Variants in GATB observed in about 807,000 individuals in gnomAD.
The protein encoded by GATB is glutamyl-tRNA(Gln) amidotransferase subunit B, mitochondrial.
GATB carries 39 observed loss-of-function variants against 62.3 expected under a neutral mutation model. The ratio of observed to expected loss-of-function variants is 0.63; its 90% CI spans 0.48 to 0.82. GATB has a LOEUF of 0.82. GATB is among the 40% of genes least tolerant of loss of function. GATB has a pLI of 0.00. For missense variants in GATB, 670 were observed against 684.0 expected (o/e 0.98, Z 0.23); for synonymous variants, 276 against 258.9 (o/e 1.07, Z -0.63).
At chr4:151,678,586 G>A (rs962725805) in intron 11 of GATB, among the ~76,000 whole-genome samples, 2 of 152,100 alleles carry the variant, frequency 1.3e-5, no homozygotes, top group African/African-American at 4.8e-5. Context: ...ACGCGGTGAG[G>A]TCCCTGTAGT....
intron 2 of GATB, among the ~76,000 whole-genome samples, chr4:151,736,277 C>T (rs962831738): frequency 6.6e-6 from 1 of 152,068 alleles, no homozygotes; most frequent in African/African-American, 2.4e-5. Context: ...CAAATAGACA[C>T]CATATACATG....
At chr4:151,712,708 T>C (rs894956131) in intron 5 of GATB, among the ~76,000 whole-genome samples, 4 of 152,200 alleles carry the variant, frequency 2.6e-5, no homozygotes, top group Non-Finnish European at 5.9e-5. Flanking sequence ...TGAGTGGTAA[T>C]TCCATAAAAG....
At chr4:151,725,571 A>G (rs558046890) in intron 2 of GATB, among the ~76,000 whole-genome samples, 36 of 152,268 alleles carry the variant, frequency 2.4e-4, no homozygotes, top group Non-Finnish European at 4.3e-4. Flanking sequence ...CAACTAATTT[A>G]TAAGGAACAT....
rs116634238 is a variant in GATB, at chr4:151,717,074, C to A, written c.442G>T (p.Ala148Ser). The part of the protein sequence containing the change: ...RKHYFYADLP[A>S]GYQITQQRLP... ...CTCTGCTGGGTAATTTGGTAGCCTGCCTGCACACAAACATAGGGTAAACAT... is the reference window on the plus strand; with the variant it reads ...CTCTGCTGGGTAATTTGGTAGCCTGACTGCACACAAACATAGGGTAAACAT... Residue 148 changes from alanine to serine, a missense_variant and splice_region_variant, in exon 4 of 13, where the codon GCA becomes TCA. Coordinates refer to ENST00000263985, the MANE Select transcript of GATB (RefSeq NM_004564.3). 593 of 1,613,938 alleles carry A rather than the reference C, an allele frequency of 3.7e-4. 4 individuals are homozygous for A. The African/African-American group carries it at 7.1e-3, about 19-fold the overall frequency.
intron 9 of GATB, among the ~76,000 whole-genome samples, chr4:151,691,992 A>G (rs745833399): frequency 2.0e-5 from 3 of 152,012 alleles, no homozygotes; most frequent in Non-Finnish European, 2.9e-5. Flanking sequence ...AATATCTGCT[A>G]GACACAGAGC....
chr4:151,681,617 T>G (rs1738139189), intron 10 of GATB, among the ~76,000 whole-genome samples: 1 of 152,168 alleles, frequency 6.6e-6, no homozygotes, highest in African/African-American at 2.4e-5. Context: ...TTCTTGAGCG[T>G]GCAAAAGATA....
chr4:151,727,150 G>C (rs910442150), intron 2 of GATB, among the ~76,000 whole-genome samples: 1 of 152,134 alleles, frequency 6.6e-6, no homozygotes, highest in Non-Finnish European at 1.5e-5. Flanking sequence ...TGAACTCCTG[G>C]GCTCAAGCGG....
rs1737836728 is a variant in GATB at position 151,670,732 on chromosome 4, A to G, written c.*442T>C. On this transcript the variant is annotated 3_prime_UTR_variant, in exon 13 of 13. Coordinates refer to ENST00000263985, the MANE Select transcript of GATB (RefSeq NM_004564.3). Reference sequence around the variant, plus strand: ...TTTAGGTCTGAAAACAATACATCCAAATTACAGTCTCTCTTGACCACTGCT... The same window carrying G: ...TTTAGGTCTGAAAACAATACATCCAGATTACAGTCTCTCTTGACCACTGCT... The G allele has an allele frequency of 6.4e-6, 1 of 155,404 alleles. No homozygotes were observed. Among genetic ancestry groups the G allele is most frequent in the Non-Finnish European group, 1.4e-5 (1 of 70,066 alleles). The allele number at this position is 155,404 out of a possible 1,614,324, so 9.6% of individuals were successfully genotyped here.
At chr4:151,753,756 T>TA (rs1739767221) in intron 2 of GATB, among the ~76,000 whole-genome samples, 2 of 152,226 alleles carry the variant, frequency 1.3e-5, no homozygotes, top group Non-Finnish European at 2.9e-5. Flanking sequence ...ATAGACTACA[T>TA]AACTCATCAG....
Position 151,701,499 on chromosome 4 carries a change from G to T in GATB, c.1027C>A (p.Leu343Met). ...QDYRFMPEPN[L>M]PPLVLYDATS... ...GCGTCGTAGAGCACCAGGGGAGGCA[G>T]GTTGGGTTCTGGCATGAACCTGGGC... The change falls in exon 9 of 13, where the codon CTG becomes ATG. Residue 343 changes from leucine to methionine, a missense_variant. Coordinates refer to ENST00000263985, the MANE Select transcript of GATB (RefSeq NM_004564.3). The T allele has an allele frequency of 6.4e-7, 1 of 1,566,694 alleles. No individual in the cohort carries two copies. Among genetic ancestry groups the T allele is most frequent in the East Asian group, 2.4e-5 (1 of 42,126 alleles).
At chr4:151,698,033 T>C (rs1206520463) in intron 9 of GATB, among the ~76,000 whole-genome samples, 1 of 136,800 alleles carries the variant, frequency 7.3e-6, no homozygotes, top group African/African-American at 2.8e-5. Context: ...AGAAGCAAGG[T>C]TAGCTAAATA....
At chr4:151,695,882 C>T (rs532699001) in intron 9 of GATB, among the ~76,000 whole-genome samples, 24 of 152,014 alleles carry the variant, frequency 1.6e-4, no homozygotes, top group East Asian at 5.8e-4. Context: ...CTCAGCCTCC[C>T]GAGTAGCTGG....
At chr4:151,713,125 C>A (rs1321726939) in intron 5 of GATB, among the ~76,000 whole-genome samples, 1 of 151,878 alleles carries the variant, frequency 6.6e-6, no homozygotes, top group East Asian at 1.9e-4. Context: ...TAAGAATCTA[C>A]CATCTAATAA....
chr4:151,693,398 C>A (rs1301871100), intron 9 of GATB, among the ~76,000 whole-genome samples: 1 of 152,166 alleles, frequency 6.6e-6, no homozygotes, highest in African/African-American at 2.4e-5. Flanking sequence ...AATCTTTCAG[C>A]GAGTGCTCCT....
chr4:151,673,571 A>G (rs1737926825), intron 11 of GATB: 1 of 152,258 alleles, frequency 6.6e-6, no homozygotes, highest in Admixed American at 6.5e-5. Flanking sequence ...TCCTACAGGT[A>G]GAGCCGGACC....
rs1738352713 is a variant in GATB at position 151,690,893 on chromosome 4, A to G, written c.1198-2130T>C. On this transcript the variant is annotated intron_variant, in intron 9 of 12. Transcript: ENST00000263985. ...GGTGAGCTATAGCGAGTGGGGCTGA[A>G]GGAGGCTGAGCTGCAGCCACCCAGG... is the stretch of plus-strand genomic sequence containing the variant. 2.0e-5 allele frequency among the ~76,000 whole-genome samples: 3 copies of G among 152,216 alleles called. No individual in the cohort carries two copies. In the South Asian group the frequency reaches 6.2e-4, roughly 32 times the overall value.
intron 5 of GATB, among the ~76,000 whole-genome samples, chr4:151,708,905 G>C (rs1190165833): frequency 6.6e-6 from 1 of 152,174 alleles, no homozygotes; most frequent in Non-Finnish European, 1.5e-5. Flanking sequence ...GGAAGAGAGA[G>C]AGAGAAAAAT....
intron 12 of GATB, 137 bp from the exon 13 acceptor site, chr4:151,671,439 G>GAAA (rs1737858139): frequency 1.2e-6 from 1 of 805,270 alleles, no homozygotes; most frequent in Admixed American, 2.6e-5. Flanking sequence ...ATGTAGAACA[G>GAAA]AAAAAGGGGA....
At chr4:151,743,889 A>C (rs1366312441) in intron 2 of GATB, among the ~76,000 whole-genome samples, 1 of 152,242 alleles carries the variant, frequency 6.6e-6, no homozygotes, top group Non-Finnish European at 1.5e-5. Context: ...AGAAATAATC[A>C]TTGAGAAGTG....
Sources: allele counts gnomAD v4.1 joint callset (sites outside exome capture counted in the v4.1 genomes callset), GRCh38; gene constraint gnomAD v4.1.1; transcripts MANE v1.5; gene names NCBI Gene and HGNC (gene_info 2026-07-23, HGNC 2026-07-21).